The following PCYT1A variants were observed in gnomAD, a reference collection of about 807,000 sequenced individuals.
PCYT1A encodes the protein phosphate cytidylyltransferase 1A, choline, also known as choline-phosphate cytidylyltransferase A.
In PCYT1A, 25 loss-of-function variants were observed where a neutral mutation model predicts 43.7. That is an observed-to-expected ratio of 0.57 (90% confidence interval 0.42 to 0.80). The LOEUF (loss-of-function observed/expected upper bound fraction) is 0.80, where lower values mean the gene tolerates loss of function less well. PCYT1A is among the 30% of genes least tolerant of loss of function. PCYT1A has a pLI of 0.00. For missense variants in PCYT1A, 421 were observed against 474.2 expected, an observed-to-expected ratio of 0.89 and a Z score of 1.04; for synonymous variants, 172 against 170.7, an observed-to-expected ratio of 1.01 and a Z score of -0.06.
chr3:196,281,746 C>A (rs75313507), intron 1 of PCYT1A, among the ~76,000 whole-genome samples: 1 of 152,126 alleles, frequency 6.6e-6, no homozygotes, highest in Non-Finnish European at 1.5e-5. Flanking sequence ...AGAATTATTT[C>A]GAGTACAGTG....
At chr3:196,259,531 T>TTTTG (rs1265935221) in intron 2 of PCYT1A, among the ~76,000 whole-genome samples, 9 of 152,174 alleles carry the variant, frequency 5.9e-5, no homozygotes, top group African/African-American at 1.2e-4. Flanking sequence ...AACACGTTTT[T>TTTTG]TTTGTTTGTT....
chr3:196,280,417 G>A (rs1454609339), intron 1 of PCYT1A, among the ~76,000 whole-genome samples: 9 of 152,074 alleles, frequency 5.9e-5, no homozygotes, highest in East Asian at 5.8e-4. Context: ...AAACGGTGTC[G>A]AATTTGCATA....
rs748677899 is a variant in PCYT1A at position 196,242,126 on chromosome 3, G to A, written c.566-36C>T. 1 of 1,608,688 alleles carries A rather than the reference G, an allele frequency of 6.2e-7. No individual in the cohort carries two copies. The highest frequency in any genetic ancestry group is 1.7e-5 in the Admixed American group (1 of 60,016). On this transcript the variant is annotated intron_variant, in intron 6 of 8. Transcript: ENST00000431016. The surrounding 1 kb of genome is among the most constrained non-coding windows in gnomAD (Gnocchi z 4.2). ...AACACATACAGACAAACACTGTGAGGTTCTGGTTAGCTCAGGTATTAAGAC... is the reference window on the plus strand; with the variant it reads ...AACACATACAGACAAACACTGTGAGATTCTGGTTAGCTCAGGTATTAAGAC...
intron 1 of PCYT1A, among the ~76,000 whole-genome samples, chr3:196,270,745 C>T (rs1725406466): frequency 6.6e-6 from 1 of 152,212 alleles, no homozygotes; most frequent in Non-Finnish European, 1.5e-5. Context: ...AAACGCCTCT[C>T]TGTGCAACAA....
At chr3:196,241,120 C>G (rs1260734598) in intron 7 of PCYT1A, among the ~76,000 whole-genome samples, 4 of 129,816 alleles carry the variant, frequency 3.1e-5, no homozygotes, top group Non-Finnish European at 6.4e-5. Flanking sequence ...ATGGCAAAAC[C>G]CCATCTCTGC....
chr3:196,261,461 CCTGA>C (rs1725105868), intron 2 of PCYT1A, among the ~76,000 whole-genome samples: 1 of 151,996 alleles, frequency 6.6e-6, no homozygotes, highest in Non-Finnish European at 1.5e-5. Context: ...TCGAGACCAT[CCTGA>C]CTAACACGGT....
chr3:196,249,890 G>A (rs1724693909), intron 3 of PCYT1A, among the ~76,000 whole-genome samples: 1 of 151,132 alleles, frequency 6.6e-6, no homozygotes, highest in South Asian at 2.1e-4. Context: ...TGAGGCTGAG[G>A]ACCAGATACA....
rs1724139658 is a variant in PCYT1A, at chr3:196,235,631, C to G, written c.*3057G>C. The G allele has an allele frequency of 6.6e-6, 1 of 152,320 alleles. No homozygotes were observed. The highest frequency in any genetic ancestry group is 1.5e-5 in the Non-Finnish European group (1 of 68,096). The allele number at this position is 152,320 out of a possible 1,614,324, so 9.4% of individuals were successfully genotyped here. On this transcript the variant is annotated 3_prime_UTR_variant, in exon 9 of 9. Coordinates refer to ENST00000431016, the MANE Select transcript of PCYT1A (RefSeq NM_001312673.2). The surrounding 1 kb of genome is among the most constrained non-coding windows in gnomAD (Gnocchi z 4.3). ...AGGCAGTGGCTGCGCCGGCACCTCCCCGGCTCTGGCCTTCTAATGTCTCAC... is the reference window on the plus strand; with the variant it reads ...AGGCAGTGGCTGCGCCGGCACCTCCGCGGCTCTGGCCTTCTAATGTCTCAC...
chr3:196,249,467 CACTA>C (rs1253988613), intron 3 of PCYT1A, among the ~76,000 whole-genome samples: 1 of 152,102 alleles, frequency 6.6e-6, no homozygotes, highest in East Asian at 1.9e-4. Flanking sequence ...TCATCATCTG[CACTA>C]ACTGCCTCTG....
chr3:196,281,706 CAATCTAAAGTGAAAAACAGTGTTAGA>C (rs1350016273), intron 1 of PCYT1A, among the ~76,000 whole-genome samples: 1 of 152,076 alleles, frequency 6.6e-6, no homozygotes, highest in African/African-American at 2.4e-5. Context: ...TAAATTTACC[CAATCTAAAGTGAAAAACAGTGTTAGA>C]AATAGAATTA....
chr3:196,246,285 G>A (rs990402625), intron 5 of PCYT1A, among the ~76,000 whole-genome samples: 1 of 152,112 alleles, frequency 6.6e-6, no homozygotes, highest in African/African-American at 2.4e-5. Context: ...AACATTCCAC[G>A]CGCCCCTGTA....
chr3:196,265,282 G>A (rs540145066), intron 2 of PCYT1A, among the ~76,000 whole-genome samples: 5 of 151,928 alleles, frequency 3.3e-5, no homozygotes, highest in African/African-American at 1.2e-4. Flanking sequence ...TGGCCAGGCT[G>A]GTCTCAAACT....
intron 1 of PCYT1A, among the ~76,000 whole-genome samples, chr3:196,275,861 G>A (rs147637546): frequency 3.8e-4 from 58 of 152,208 alleles, no homozygotes; most frequent in African/African-American, 1.4e-3. Context: ...ACTTTGGGAC[G>A]CCAAGGCAGG....
intron 3 of PCYT1A, among the ~76,000 whole-genome samples, chr3:196,249,987 CT>C (rs1173724481): frequency 6.7e-6 from 1 of 149,390 alleles, no homozygotes; most frequent in Non-Finnish European, 1.5e-5. Context: ...ATACACTATG[CT>C]GAGGATCAGG....
intron 1 of PCYT1A, chr3:196,283,425 A>C (rs1725824657): frequency 6.6e-6 from 1 of 152,222 alleles, no homozygotes; most frequent in African/African-American, 2.4e-5. Flanking sequence ...CGAATGGTAA[A>C]ATACAGGTAA....
At chr3:196,243,760 T>C (rs956964184) in intron 5 of PCYT1A, among the ~76,000 whole-genome samples, 13 of 152,056 alleles carry the variant, frequency 8.5e-5, no homozygotes, top group South Asian at 4.1e-4. Context: ...GGTCTCCAGC[T>C]CCTAACCGCG....
chr3:196,241,739 C>T, intron 7 of PCYT1A: 1 of 1,306,868 alleles, frequency 7.7e-7, no homozygotes, highest in Non-Finnish European at 1.1e-6. Context: ...GGCTGTATGG[C>T]TTTATACGAA....
intron 5 of PCYT1A, among the ~76,000 whole-genome samples, chr3:196,243,510 T>TTCTCCCCTCTCCCC (rs1242901476): frequency 4.7e-5 from 7 of 150,328 alleles, no homozygotes; most frequent in Non-Finnish European, 7.4e-5. Flanking sequence ...CCCCTCTCCC[T>TTCTCCCCTCTCCCC]TCTCCCCTCT....
intron 3 of PCYT1A, among the ~76,000 whole-genome samples, chr3:196,248,690 G>A (rs968571177): frequency 2.7e-5 from 4 of 150,644 alleles, no homozygotes; most frequent in South Asian, 4.2e-4. Flanking sequence ...ACATTGATTC[G>A]ATATCTTGTA....
Sources: allele counts gnomAD v4.1 joint callset (sites outside exome capture counted in the v4.1 genomes callset), GRCh38; gene constraint gnomAD v4.1.1; non-coding constraint Gnocchi (gnomAD v3.1); transcripts MANE v1.5; gene names NCBI Gene and HGNC (gene_info 2026-07-23, HGNC 2026-07-21).